Variants in GC observed in about 807,000 individuals in gnomAD.
GC encodes the protein GC vitamin D binding protein.
Under a neutral mutation model 56.7 loss-of-function variants are expected in GC, and 43 were observed. That is an observed-to-expected ratio of 0.76 (90% CI 0.59 to 0.98). The LOEUF is 0.98. GC is among the 50% of genes least tolerant of loss of function. GC has a pLI of 0.00. For synonymous variants in GC, 216 were observed against 202.7 expected (o/e 1.07, Z -0.56); for missense variants, 529 against 545.9 (o/e 0.97, Z 0.31).
intron 6 of GC, among the ~76,000 whole-genome samples, chr4:71,762,056 C>T (rs1392234368): frequency 1.3e-5 from 2 of 152,172 alleles, no homozygotes; most frequent in Non-Finnish European, 2.9e-5. Context: ...GGTAGATCTA[C>T]TGACAGCTTG....
Position 71,763,788 on chromosome 4 carries a change from G to A in GC, c.606+16C>T, listed in dbSNP as rs1374196468. The A allele has an allele frequency of 1.3e-6, 2 of 1,594,550 alleles. No homozygotes were observed. Among genetic ancestry groups the A allele is most frequent in the Admixed American group, 1.8e-5 (1 of 56,124 alleles). On this transcript the variant is annotated intron_variant, in intron 5 of 12. Transcript: ENST00000273951. The stretch of plus-strand genomic sequence containing the variant: ...AGAAAAAAACGTAAACATATAATAA[G>A]TAAAATGGGACATACCTCTTTCAAA...
At chr4:71,746,970 C>A (rs12640179) in intron 11 of GC, among the ~76,000 whole-genome samples, 2 of 151,784 alleles carry the variant, frequency 1.3e-5, no homozygotes, top group East Asian at 3.9e-4. Context: ...GAAAGATTGC[C>A]TGAAACTAAA....
intron 1 of GC, among the ~76,000 whole-genome samples, chr4:71,772,065 T>A (rs917834235): frequency 6.6e-6 from 1 of 152,144 alleles, no homozygotes; most frequent in Non-Finnish European, 1.5e-5. Flanking sequence ...ATTGTAAATA[T>A]CAAAATAGAT....
At chr4:71,800,066 C>T (rs62302183) in intron 1 of GC, among the ~76,000 whole-genome samples, 2 of 53,318 alleles carry the variant, frequency 3.8e-5, no homozygotes, top group Admixed American at 5.9e-4. Context: ...CACTTCACTT[C>T]CTTTTTTTTT....
intron 8 of GC, 61 bp from the exon 9 acceptor site, chr4:71,755,168 T>TTATTTATG: frequency 1.4e-6 from 1 of 738,692 alleles, no homozygotes; most frequent in Non-Finnish European, 1.8e-6. Context: ...ATTTATTTAT[T>TTATTTATG]TATTTATTTT....
intron 1 of GC, among the ~76,000 whole-genome samples, chr4:71,776,518 G>A (rs1433804843): frequency 5.9e-5 from 9 of 151,846 alleles, no homozygotes; most frequent in Admixed American, 4.6e-4. Flanking sequence ...GGGAGGGAAT[G>A]AGGAGCTGCT....
At chr4:71,762,135 A>G (rs1741999994) in intron 6 of GC, among the ~76,000 whole-genome samples, 1 of 152,184 alleles carries the variant, frequency 6.6e-6, no homozygotes, top group African/African-American at 2.4e-5. Flanking sequence ...GGGAGGCTGT[A>G]CCCTGCAAAG....
intron 11 of GC, among the ~76,000 whole-genome samples, chr4:71,748,185 T>C (rs2149293219): frequency 6.6e-6 from 1 of 152,314 alleles, no homozygotes; most frequent in Middle Eastern, 3.4e-3. Flanking sequence ...AATACATACA[T>C]GCCAGGCTAT....
rs989059992 is a variant in GC, at chr4:71,769,229, C to T, written c.128+102G>A. 5 of 832,274 alleles carry T rather than the reference C, an allele frequency of 6.0e-6. No individual in the cohort carries two copies. In the African/African-American group the frequency reaches 8.4e-5, roughly 14 times the overall value. The allele number at this position is 832,274 out of a possible 1,614,324, so 51.6% of individuals were successfully genotyped here. A position where few individuals can be genotyped will look rare whatever the true frequency, so the allele number is the denominator to read the frequency against. ...TGGGGCTCTGTCCTCTTACTCTTGGCAAGGATTAAGGATTAACCTCCATGC... is the reference window on the plus strand; with the variant it reads ...TGGGGCTCTGTCCTCTTACTCTTGGTAAGGATTAAGGATTAACCTCCATGC... On this transcript the variant is annotated intron_variant, in intron 2 of 12. Coordinates refer to ENST00000273951, the MANE Select transcript of GC (RefSeq NM_000583.4).
Position 71,758,057 on chromosome 4 carries a change from A to G in GC, c.816T>C (p.Asp272=). Residue 272 remains aspartate (D), a synonymous_variant, in exon 7 of 13, where the codon GAT becomes GAC. Coordinates refer to ENST00000273951, the MANE Select transcript of GC (RefSeq NM_000583.4). ...CTTGTCTTACCTCTTTGGCCATGCA[A>G]TCTTCAGAGGCAGACTCACAGCATT... is the stretch of plus-strand genomic sequence containing the variant. ...LSKCCESASE[D]CMAKELPEHT... is the part of the protein sequence containing the mutation. The G allele has an allele frequency of 6.2e-7, 1 of 1,613,402 alleles. No homozygotes were observed. The highest frequency in any genetic ancestry group is 8.5e-7 in the Non-Finnish European group (1 of 1,179,560).
At chr4:71,778,244 A>G (rs886239395) in intron 1 of GC, among the ~76,000 whole-genome samples, 5 of 151,956 alleles carry the variant, frequency 3.3e-5, no homozygotes, top group Non-Finnish European at 7.4e-5. Context: ...AACAATTCAT[A>G]TGTGATTTCA....
chr4:71,781,570 TA>T (rs1052009269), intron 1 of GC, among the ~76,000 whole-genome samples: 8 of 151,490 alleles, frequency 5.3e-5, no homozygotes, highest in African/African-American at 1.4e-4. Context: ...ATCTGCAAGT[TA>T]AAAAAAAATT....
rs569966694 is a variant in GC at position 71,744,403 on chromosome 4, G to T, written c.*25+1748C>A. On this transcript the variant is annotated intron_variant, in intron 12 of 12. Transcript: ENST00000273951. ...GAACCCAGGAGGCGGTGCTTGCAGC[G>T]AGCCGAGATCGCGCCACTGCACTCC... is the stretch of plus-strand genomic sequence containing the variant. Among the ~76,000 whole-genome samples, 3 of 141,066 alleles carry T rather than the reference G, an allele frequency of 2.1e-5. No homozygotes were observed. The East Asian group carries it at 6.2e-4, about 29-fold the overall frequency. 92.5% of individuals were successfully genotyped at this position (141,066 alleles called of 152,430 possible). A position where few individuals can be genotyped will look rare whatever the true frequency, so the allele number is the denominator to read the frequency against.
At chr4:71,746,611 C>T (rs868280666) in intron 11 of GC, among the ~76,000 whole-genome samples, 8 of 151,412 alleles carry the variant, frequency 5.3e-5, no homozygotes, top group East Asian at 1.9e-4. Flanking sequence ...ATAGGGCAAG[C>T]GGGTGGAGTC....
rs112312601 is a variant in GC, at chr4:71,772,363, C to T, written c.59-2963G>A. Among the ~76,000 whole-genome samples, 160 of 152,208 alleles carry T rather than the reference C, an allele frequency of 1.1e-3. 1 individual carries two copies. Among genetic ancestry groups the T allele is most frequent in the African/African-American group, 3.8e-3 (156 of 41,558 alleles). Reference sequence around the variant, plus strand: ...TCTCTTGTGACCATTCAATAACATGCAAAGTGAAATCCTGTATTCAAATGG... The same window carrying T: ...TCTCTTGTGACCATTCAATAACATGTAAAGTGAAATCCTGTATTCAAATGG... On this transcript the variant is annotated intron_variant, in intron 1 of 12. Transcript: ENST00000273951.
upstream of GC, among the ~76,000 whole-genome samples, chr4:71,787,667 T>G (rs1407481146): frequency 1.3e-5 from 2 of 151,852 alleles, no homozygotes; most frequent in African/African-American, 2.4e-5. Flanking sequence ...GCTTGAAGAC[T>G]GCTTTAGAAG....
At chr4:71,750,419 T>C (rs1008724715) in intron 11 of GC, among the ~76,000 whole-genome samples, 1 of 152,228 alleles carries the variant, frequency 6.6e-6, no homozygotes, top group African/African-American at 2.4e-5. Flanking sequence ...GAAATTACAC[T>C]AGATGATCTT....
chr4:71,748,726 C>T (rs1434000623), intron 11 of GC, among the ~76,000 whole-genome samples: 1 of 152,052 alleles, frequency 6.6e-6, no homozygotes, highest in Non-Finnish European at 1.5e-5. Flanking sequence ...TGTTCTATTT[C>T]CTGGTCATTT....
At chr4:71,789,544 A>T (rs1187347930) in intron 1 of GC, among the ~76,000 whole-genome samples, 1 of 151,958 alleles carries the variant, frequency 6.6e-6, no homozygotes, top group Admixed American at 6.6e-5. Context: ...GATCTAATAG[A>T]TTCTCTATAC....
Sources: gnomAD v4.1 joint callset for allele counts (sites outside exome capture counted in the v4.1 genomes callset) on GRCh38, gnomAD v4.1.1 for gene constraint, MANE v1.5 for transcripts, NCBI Gene and HGNC (gene_info 2026-07-23, HGNC 2026-07-21) for gene names.